Variants in PACRG observed in about 807,000 individuals in gnomAD.
PACRG encodes parkin coregulated.
In PACRG, 29 loss-of-function variants were observed where a neutral mutation model predicts 29.7. That is an observed-to-expected ratio of 0.98 (90% CI 0.73 to 1.33). The LOEUF is 1.33. Among genes scored for constraint, PACRG ranks in the 40% most tolerant of loss-of-function variants. PACRG has a pLI of 0.00. For missense variants in PACRG, 279 were observed against 316.2 expected (o/e 0.88, Z 0.89); for synonymous variants, 116 against 118.7 (o/e 0.98, Z 0.15).
chr6:162,770,245 T>C (rs1318838010), intron 1 of PACRG, among the ~76,000 whole-genome samples: 4 of 152,202 alleles, frequency 2.6e-5, no homozygotes, highest in African/African-American at 7.2e-5. Context: ...GATAATTCTA[T>C]TTCAATTGAA....
intron 4 of PACRG, among the ~76,000 whole-genome samples, chr6:163,169,838 T>C (rs1437000408): frequency 6.6e-6 from 1 of 152,182 alleles, no homozygotes; most frequent in African/African-American, 2.4e-5. Flanking sequence ...AACACTCGTG[T>C]CCTTTCTCAC....
chr6:163,117,525 G>T (rs1214769523), intron 4 of PACRG, among the ~76,000 whole-genome samples: 2 of 152,192 alleles, frequency 1.3e-5, no homozygotes, highest in Non-Finnish European at 2.9e-5. Context: ...GCCAAGGTAG[G>T]TGGATCACTT....
chr6:162,947,621 T>TATAATCATATAG (rs1554313383), intron 2 of PACRG, among the ~76,000 whole-genome samples: 1 of 47,938 alleles, frequency 2.1e-5, no homozygotes, highest in African/African-American at 7.9e-5. Context: ...CATATATATA[T>TATAATCATATAG]ATATATATAT....
At chr6:162,791,945 T>G (rs1236736591) in intron 1 of PACRG, among the ~76,000 whole-genome samples, 2 of 140,140 alleles carry the variant, frequency 1.4e-5, no homozygotes, top group African/African-American at 5.3e-5. Flanking sequence ...GATGTGGTGG[T>G]AGCAGCCTTC....
chr6:162,887,904 T>C (rs1794468960), intron 2 of PACRG, among the ~76,000 whole-genome samples: 2 of 152,138 alleles, frequency 1.3e-5, no homozygotes, highest in Admixed American at 1.3e-4. Flanking sequence ...TGTGCTGCTA[T>C]AACAAAATAC....
At chr6:163,175,827 T>C (rs1374624874) in intron 4 of PACRG, among the ~76,000 whole-genome samples, 2 of 152,068 alleles carry the variant, frequency 1.3e-5, no homozygotes, top group African/African-American at 2.4e-5. Flanking sequence ...CCCAGCATTT[T>C]TAACTCATAA....
chr6:163,162,590 A>G, intron 4 of PACRG, among the ~76,000 whole-genome samples: 1 of 152,244 alleles, frequency 6.6e-6, no homozygotes, highest in East Asian at 1.9e-4. Flanking sequence ...TGCTTGCCCA[A>G]GAAAGACCCC....
intron 2 of PACRG, among the ~76,000 whole-genome samples, chr6:163,010,453 C>T (rs1805507386): frequency 6.6e-6 from 1 of 152,132 alleles, no homozygotes; most frequent in South Asian, 2.1e-4. Context: ...TCTCCCACTT[C>T]ATGTCCAATC....
intron 4 of PACRG, among the ~76,000 whole-genome samples, chr6:163,293,521 C>T (rs1784685880): frequency 6.6e-6 from 1 of 152,188 alleles, no homozygotes; most frequent in Non-Finnish European, 1.5e-5. Context: ...GTGTAGCTGA[C>T]AGTTACATCA....
chr6:162,765,236 C>T (rs189630282), intron 1 of PACRG, among the ~76,000 whole-genome samples: 18 of 152,174 alleles, frequency 1.2e-4, no homozygotes, highest in South Asian at 6.2e-4. Flanking sequence ...TTGAATTTGA[C>T]TCTTGGCCTT....
At chr6:163,308,882 T>A (rs960859451) in intron 4 of PACRG, among the ~76,000 whole-genome samples, 5 of 152,198 alleles carry the variant, frequency 3.3e-5, no homozygotes, top group African/African-American at 4.8e-5. Flanking sequence ...TAGCTGTGAC[T>A]GATGACGTCA....
At chr6:163,244,196 GTTT>G (rs1562335845) in intron 4 of PACRG, among the ~76,000 whole-genome samples, 2 of 152,050 alleles carry the variant, frequency 1.3e-5, no homozygotes, top group Non-Finnish European at 2.9e-5. Context: ...AGAGCAGTTT[GTTT>G]CATACCATTC....
intron 2 of PACRG, among the ~76,000 whole-genome samples, chr6:162,870,063 G>A (rs181925040): frequency 6.6e-6 from 1 of 152,252 alleles, no homozygotes; most frequent in South Asian, 2.1e-4. Context: ...TCTTTGAAAG[G>A]CTTCTGAGAT....
chr6:163,131,423 G>A (rs1305618717), intron 4 of PACRG, among the ~76,000 whole-genome samples: 1 of 152,094 alleles, frequency 6.6e-6, no homozygotes, highest in African/African-American at 2.4e-5. Context: ...GAAGATGGAC[G>A]CAGAGAGGGG....
intron 4 of PACRG, among the ~76,000 whole-genome samples, chr6:163,137,398 T>G (rs1237542079): frequency 6.6e-6 from 1 of 152,076 alleles, no homozygotes; most frequent in African/African-American, 2.4e-5. Flanking sequence ...TCGGCATCGT[T>G]TTATTCCTCC....
rs539210096 is a variant in PACRG, at chr6:162,946,700, C to T, written c.292-115450C>T. On this transcript the variant is annotated intron_variant, in intron 2 of 4. Coordinates refer to ENST00000366888, the MANE Select transcript of PACRG (RefSeq NM_001080379.2). The stretch of plus-strand genomic sequence containing the variant: ...TGGAACAAAAAAGAAAACTACAGAC[C>T]GGATGAACATAGACACAAAAATCCC... 7.2e-4 allele frequency among the ~76,000 whole-genome samples: 109 copies of T among 152,016 alleles called. No homozygotes were observed. The South Asian group carries it at 0.012, about 17-fold the overall frequency.
At chr6:163,260,049 C>T (rs982922087) in intron 4 of PACRG, among the ~76,000 whole-genome samples, 1 of 152,150 alleles carries the variant, frequency 6.6e-6, no homozygotes, top group Non-Finnish European at 1.5e-5. Context: ...AGGGCCATCC[C>T]GCCCCTCCAA....
intron 4 of PACRG, among the ~76,000 whole-genome samples, chr6:163,152,191 A>G (rs1778120314): frequency 6.6e-6 from 1 of 152,210 alleles, no homozygotes; most frequent in Admixed American, 6.5e-5. Context: ...TGAATTTAAG[A>G]TTATGAAGTG....
intron 4 of PACRG, among the ~76,000 whole-genome samples, chr6:163,279,838 GAGA>G (rs1363854998): frequency 1.3e-5 from 2 of 152,152 alleles, no homozygotes; most frequent in Admixed American, 6.5e-5. Context: ...GCTTGCTTGA[GAGA>G]AGGAGAGTCA....
Sources: allele counts gnomAD v4.1 joint callset (sites outside exome capture counted in the v4.1 genomes callset), GRCh38; gene constraint gnomAD v4.1.1; transcripts MANE v1.5; gene names NCBI Gene and HGNC (gene_info 2026-07-23, HGNC 2026-07-21).